The following SLC9A9 variants were observed in gnomAD, a reference collection of about 807,000 sequenced individuals.
SLC9A9 encodes the protein solute carrier family 9 member A9.
SLC9A9 carries 62 observed loss-of-function variants against 77.8 expected under a neutral mutation model. The ratio of observed to expected loss-of-function variants is 0.80; its 90% confidence interval spans 0.65 to 0.98. The LOEUF is 0.98. Ranked by LOEUF, SLC9A9 falls within the 50% of genes least tolerant of loss-of-function variation. The pLI is 0.00. For synonymous variants in SLC9A9, 320 were observed against 283.5 expected (o/e 1.13, Z -1.29); for missense variants, 775 against 774.9 (o/e 1.00, Z 0.00).
At chr3:143,477,851 A>G (rs1394065881) in intron 11 of SLC9A9, among the ~76,000 whole-genome samples, 1 of 152,182 alleles carries the variant, frequency 6.6e-6, no homozygotes, top group Non-Finnish European at 1.5e-5. Context: ...CAAAAATCAT[A>G]GTTAGAGTAA....
At chr3:143,304,403 A>T (rs2030682032) in intron 14 of SLC9A9, among the ~76,000 whole-genome samples, 1 of 152,208 alleles carries the variant, frequency 6.6e-6, no homozygotes, top group Admixed American at 6.5e-5. Context: ...TAGACATGGG[A>T]TGTATTCCCC....
chr3:143,481,073 C>A (rs2035565735), intron 11 of SLC9A9, among the ~76,000 whole-genome samples: 1 of 152,138 alleles, frequency 6.6e-6, no homozygotes, highest in South Asian at 2.1e-4. Context: ...CATTCATTCA[C>A]CTATTTATAT....
At chr3:143,500,605 T>C (rs2035908284) in intron 9 of SLC9A9, among the ~76,000 whole-genome samples, 1 of 152,186 alleles carries the variant, frequency 6.6e-6, no homozygotes, top group African/African-American at 2.4e-5. Context: ...AGTTGCTTTC[T>C]CAAAGAGAGC....
intron 12 of SLC9A9, among the ~76,000 whole-genome samples, chr3:143,402,489 T>C (rs1409568327): frequency 1.5e-4 from 23 of 151,638 alleles, no homozygotes; most frequent in Non-Finnish European, 4.4e-5. Flanking sequence ...GATACTTTCT[T>C]TAATGTTTTT....
chr3:143,514,793 T>C (rs1429214689), intron 9 of SLC9A9, among the ~76,000 whole-genome samples: 3 of 152,196 alleles, frequency 2.0e-5, no homozygotes. Flanking sequence ...TTGTAGCTGG[T>C]TTTATCCTCT....
chr3:143,704,762 G>T (rs1029568413), intron 4 of SLC9A9, among the ~76,000 whole-genome samples: 1 of 152,098 alleles, frequency 6.6e-6, no homozygotes, highest in Non-Finnish European at 1.5e-5. Context: ...GGAGGCCAAG[G>T]TGGGCAGATC....
chr3:143,614,969 CG>C (rs1334025762), intron 6 of SLC9A9, among the ~76,000 whole-genome samples: 1 of 151,936 alleles, frequency 6.6e-6, no homozygotes, highest in Non-Finnish European at 1.5e-5. Flanking sequence ...TAAGAAGAAA[CG>C]GGGTTCTTGG....
chr3:143,375,496 C>CCT (rs1322329796), intron 13 of SLC9A9, among the ~76,000 whole-genome samples: 1 of 152,188 alleles, frequency 6.6e-6, no homozygotes, highest in Non-Finnish European at 1.5e-5. Flanking sequence ...ACATTCTTGC[C>CCT]CTCTGTCATG....
At chr3:143,283,577 A>G (rs1938288433) in intron 14 of SLC9A9, among the ~76,000 whole-genome samples, 1 of 152,118 alleles carries the variant, frequency 6.6e-6, no homozygotes, top group Admixed American at 6.5e-5. Flanking sequence ...GCAAGCCCCA[A>G]CCCTGTCCCC....
At chr3:143,579,460 T>A (rs569953038) in intron 6 of SLC9A9, among the ~76,000 whole-genome samples, 1 of 152,160 alleles carries the variant, frequency 6.6e-6, no homozygotes, top group African/African-American at 2.4e-5. Context: ...CTATTTTTTT[T>A]AAAACCAGGG....
chr3:143,413,961 A>C (rs1193618711), intron 12 of SLC9A9, among the ~76,000 whole-genome samples: 3 of 152,260 alleles, frequency 2.0e-5, no homozygotes, highest in Non-Finnish European at 4.4e-5. Flanking sequence ...TGTCACCTCA[A>C]ATAGACCATT....
At chr3:143,278,378 T>C (rs111350139) in intron 14 of SLC9A9, among the ~76,000 whole-genome samples, 2,546 of 152,316 alleles carry the variant, frequency 0.017, 77 homozygotes, top group African/African-American at 0.057. Context: ...ACTAAGGAGA[T>C]GCTAGATGCT....
At chr3:143,406,036 T>C (rs1297292996) in intron 12 of SLC9A9, among the ~76,000 whole-genome samples, 1 of 152,256 alleles carries the variant, frequency 6.6e-6, no homozygotes, top group African/African-American at 2.4e-5. Flanking sequence ...GCTTAATTGA[T>C]GTTTTACAAG....
At chr3:143,546,355 A>G (rs1382451679) in intron 9 of SLC9A9, among the ~76,000 whole-genome samples, 2 of 152,226 alleles carry the variant, frequency 1.3e-5, no homozygotes, top group Non-Finnish European at 2.9e-5. Flanking sequence ...TGAAGATGTC[A>G]TTGTTTGCCC....
chr3:143,585,271 T>A (rs1283866741), intron 6 of SLC9A9, among the ~76,000 whole-genome samples: 1 of 152,172 alleles, frequency 6.6e-6, no homozygotes, highest in Non-Finnish European at 1.5e-5. Context: ...CTCAAAGTCA[T>A]CCCTCTGAGC....
Position 143,733,501 on chromosome 3 carries a change from G to A in SLC9A9, c.534-40194C>T, listed in dbSNP as rs190500220. Among the ~76,000 whole-genome samples the A allele has an allele frequency of 1.3e-3, 204 of 152,076 alleles. 3 individuals carry two copies. Among genetic ancestry groups the A allele is most frequent in the Admixed American group, 0.011 (171 of 15,296 alleles). On this transcript the variant is annotated intron_variant, in intron 4 of 15. Coordinates refer to ENST00000316549, the MANE Select transcript of SLC9A9 (RefSeq NM_173653.4). ...ACAGGACTAATGAATTGTTTTCTAGGTGGACCCCAGCAAGGGAGCCCACCT... is the reference window on the plus strand; with the variant it reads ...ACAGGACTAATGAATTGTTTTCTAGATGGACCCCAGCAAGGGAGCCCACCT...
chr3:143,446,717 A>G (rs915149088), intron 12 of SLC9A9, among the ~76,000 whole-genome samples: 1 of 152,212 alleles, frequency 6.6e-6, no homozygotes, highest in Non-Finnish European at 1.5e-5. Flanking sequence ...ACAAAGCAGG[A>G]AAGTACCTTA....
chr3:143,703,245 T>A (rs1933858447), intron 4 of SLC9A9, among the ~76,000 whole-genome samples: 1 of 152,100 alleles, frequency 6.6e-6, no homozygotes, highest in Admixed American at 6.6e-5. Flanking sequence ...GAACATTTCA[T>A]CCAATGGCTA....
intron 14 of SLC9A9, among the ~76,000 whole-genome samples, chr3:143,295,865 C>CT (rs11368871): frequency 0.43 from 64,894 of 151,878 alleles, 14,544 homozygotes; most frequent in Non-Finnish European, 0.49. Context: ...GCAAAGTCTC[C>CT]TGCTCTCCCC....
Sources: allele counts gnomAD v4.1 joint callset (sites outside exome capture counted in the v4.1 genomes callset), GRCh38; gene constraint gnomAD v4.1.1; transcripts MANE v1.5; gene names NCBI Gene and HGNC (gene_info 2026-07-23, HGNC 2026-07-21).